S100PBP: variants seen among roughly 807,000 people sequenced by gnomAD.
S100PBP encodes the protein S100P binding protein.
A neutral mutation model predicts 39.9 loss-of-function variants in S100PBP; 15 were observed. That is an observed-to-expected ratio of 0.38 (90% confidence interval 0.25 to 0.58). S100PBP has a LOEUF of 0.58. S100PBP is among the 20% of genes least tolerant of loss of function. S100PBP has a pLI of 0.70. For synonymous variants in S100PBP, 178 were observed against 180.3 expected (o/e 0.99, Z 0.10); for missense variants, 504 against 487.3 (o/e 1.03, Z -0.32).
Position 32,856,332 on chromosome 1 carries a change from A to G in S100PBP, c.*294A>G, listed in dbSNP as rs534828445. 1 of 192,386 alleles carries G rather than the reference A, an allele frequency of 5.2e-6. No individual in the cohort carries two copies. The highest frequency in any genetic ancestry group is 1.1e-5 in the Non-Finnish European group (1 of 91,680). 11.9% of individuals were successfully genotyped at this position (192,386 alleles called of 1,614,324 possible). A position where few individuals can be genotyped will look rare whatever the true frequency, so the allele number is the denominator to read the frequency against. On this transcript the variant is annotated 3_prime_UTR_variant, in exon 7 of 7. Coordinates refer to ENST00000373475, the MANE Select transcript of S100PBP (RefSeq NM_022753.4). ...AGGTAGCTGCCTCCTGAAAGCCAGCATTAAGCCAGAACACCCAGGTTCAAG... is the reference window on the plus strand; with the variant it reads ...AGGTAGCTGCCTCCTGAAAGCCAGCGTTAAGCCAGAACACCCAGGTTCAAG...
intron 5 of S100PBP, among the ~76,000 whole-genome samples, chr1:32,842,229 A>G (rs1235370352): frequency 1.2e-5 from 1 of 81,940 alleles, no homozygotes; most frequent in Admixed American, 1.8e-4. Flanking sequence ...ATGTATATAT[A>G]TATATATACA....
intron 5 of S100PBP, chr1:32,835,001 G>A (rs1011047832): frequency 4.6e-5 from 7 of 152,308 alleles, no homozygotes; most frequent in Middle Eastern, 6.8e-3. Context: ...TTAGCTGGGC[G>A]TGGTGGTGGG....
intron 5 of S100PBP, among the ~76,000 whole-genome samples, chr1:32,851,082 A>G (rs1232463105): frequency 6.6e-6 from 1 of 152,172 alleles, no homozygotes; most frequent in South Asian, 2.1e-4. Flanking sequence ...AGCCCTGAAG[A>G]AGTGAAATAA....
intron 5 of S100PBP, among the ~76,000 whole-genome samples, chr1:32,840,451 G>T (rs1257857083): frequency 6.6e-6 from 1 of 152,066 alleles, no homozygotes; most frequent in East Asian, 1.9e-4. Context: ...CCCCTCCTGG[G>T]TTCAAGCAAT....
intron 1 of S100PBP, among the ~76,000 whole-genome samples, chr1:32,822,387 C>T (rs577751199): frequency 9.0e-4 from 137 of 152,144 alleles, no homozygotes; most frequent in African/African-American, 3.2e-3. Flanking sequence ...CCGAGGCGGG[C>T]GGATCACCTG....
upstream of S100PBP, chr1:32,816,843 T>G: frequency 2.1e-6 from 1 of 470,486 alleles, no homozygotes; most frequent in East Asian, 3.8e-5. Flanking sequence ...TTTTAACGTC[T>G]GATCCCCTTC....
Position 32,826,806 on chromosome 1 carries a change from C to G in S100PBP, c.707C>G (p.Ser236Cys). The part of the protein sequence containing the change: ...KNMPDSENPT[S>C]VFSRISDHSE... The stretch of plus-strand genomic sequence containing the variant: ...ATGCCTGACAGTGAGAACCCTACGT[C>G]TGTATTCTCTCGGATCTCAGACCAT... Residue 236 changes from serine to cysteine, a missense_variant, in exon 3 of 7, where the codon TCT becomes TGT. Physicochemically the swap from Ser to Cys is moderately radical, Grantham distance 112. Coordinates refer to ENST00000373475, the MANE Select transcript of S100PBP (RefSeq NM_022753.4). 1 of 1,614,022 alleles carries G rather than the reference C, an allele frequency of 6.2e-7. No homozygotes were observed. The highest frequency in any genetic ancestry group is 8.5e-7 in the Non-Finnish European group (1 of 1,179,878).
In S100PBP at chr1:32,826,664, A is replaced by G. The variant is rs1373199530; in HGVS notation, c.565A>G (p.Asn189Asp). The change falls in exon 3 of 7, where the codon AAT (asparagine) becomes GAT (aspartate). Residue 189 changes from asparagine to aspartate, a missense_variant. By Grantham distance (23) the Asn-to-Asp change is conservative. Transcript: ENST00000373475. ...EEMREDGLSP[N>D]ESKLCTESEG... ...GATGAGAGAAGATGGTCTTAGCCCAAATGAAAGCAAACTTTGTACTGAATC... is the reference window on the plus strand; with the variant it reads ...GATGAGAGAAGATGGTCTTAGCCCAGATGAAAGCAAACTTTGTACTGAATC... 1.9e-6 allele frequency: 3 copies of G among 1,614,076 alleles called. No individual in the cohort carries two copies. In the Admixed American group the frequency reaches 5.0e-5, roughly 27 times the overall value.
At chr1:32,855,712 G>A (rs900507021) in intron 6 of S100PBP, among the ~76,000 whole-genome samples, 4 of 151,978 alleles carry the variant, frequency 2.6e-5, no homozygotes, top group Admixed American at 2.6e-4. Flanking sequence ...AGGTGGCTTT[G>A]GGAGTTGGAA....
At chr1:32,829,689 C>T (rs1362529802) in intron 4 of S100PBP, among the ~76,000 whole-genome samples, 1 of 152,184 alleles carries the variant, frequency 6.6e-6, no homozygotes, top group Non-Finnish European at 1.5e-5. Flanking sequence ...AAATTCCTAG[C>T]CTCAAGCAGT....
intron 5 of S100PBP, among the ~76,000 whole-genome samples, chr1:32,843,816 C>G (rs1226909808): frequency 6.6e-6 from 1 of 151,896 alleles, no homozygotes; most frequent in African/African-American, 2.4e-5. Context: ...TCTCGATCTC[C>G]TGACCTCATG....
chr1:32,856,560 G>A lies in S100PBP; in HGVS notation c.*522G>A, dbSNP rs535496383. 1 of 152,852 alleles carries A rather than the reference G, an allele frequency of 6.5e-6. No homozygotes were observed. The highest frequency in any genetic ancestry group is 2.1e-4 in the South Asian group (1 of 4,840). The allele number at this position is 152,852 out of a possible 1,614,324, so 9.5% of individuals were successfully genotyped here. On this transcript the variant is annotated 3_prime_UTR_variant, in exon 7 of 7. Coordinates refer to ENST00000373475, the MANE Select transcript of S100PBP (RefSeq NM_022753.4). ...GAATACCTGTCAGTATTTTAAAGTT[G>A]GCAATCCAGGACATTATAAGTAGGA...
At chr1:32,851,346 C>T (rs1640598812) in intron 5 of S100PBP, among the ~76,000 whole-genome samples, 1 of 152,098 alleles carries the variant, frequency 6.6e-6, no homozygotes, top group Non-Finnish European at 1.5e-5. Context: ...TGAAAAGTCT[C>T]CACTGTCTAG....
chr1:32,817,106 T>G, upstream of S100PBP: 1 of 1,569,964 alleles, frequency 6.4e-7, no homozygotes, highest in Non-Finnish European at 8.8e-7. Flanking sequence ...CCCACATACT[T>G]AGAACCCCGT....
rs1261788134 is a variant in S100PBP, at chr1:32,856,005, G to T, written c.1194G>T (p.Arg398=). 1.2e-6 allele frequency: 2 copies of T among 1,613,464 alleles called. No homozygotes were observed. Among genetic ancestry groups the T allele is most frequent in the Non-Finnish European group, 1.7e-6 (2 of 1,179,562 alleles). ...ACAGGAACATGCGAAGCCACCATCGGTTCCAGCGTCTCCCAGACTTCTCGT... is the reference window on the plus strand; with the variant it reads ...ACAGGAACATGCGAAGCCACCATCGTTTCCAGCGTCTCCCAGACTTCTCGT... ...WVDRNMRSHH[R]FQRLPDFSYS The change falls in exon 7 of 7, where the codon CGG becomes CGT. Residue 398 remains arginine, a synonymous_variant. Transcript: ENST00000373475.
intron 5 of S100PBP, among the ~76,000 whole-genome samples, chr1:32,830,568 T>C (rs748630275): frequency 7.9e-5 from 12 of 152,206 alleles, no homozygotes; most frequent in Non-Finnish European, 1.3e-4. Context: ...CCCACTTCAT[T>C]AGAAGATATT....
chr1:32,817,341 A>G (rs1638780051), upstream of S100PBP: 3 of 1,521,870 alleles, frequency 2.0e-6, no homozygotes, highest in Non-Finnish European at 1.8e-6. Flanking sequence ...ACGCGAGTCC[A>G]GCCAGGTTGC....
chr1:32,818,133 G>A (rs1224878146), intron 1 of S100PBP: 1 of 152,678 alleles, frequency 6.5e-6, no homozygotes. Context: ...GTGGTCCCCG[G>A]GAGAGGAGCG....
chr1:32,823,702 T>C (rs1639187765), intron 1 of S100PBP, among the ~76,000 whole-genome samples: 1 of 152,220 alleles, frequency 6.6e-6, no homozygotes, highest in African/African-American at 2.4e-5. Context: ...TAGTACTTTA[T>C]TGTCCATACC....
Sources: gnomAD v4.1 joint callset for allele counts (sites outside exome capture counted in the v4.1 genomes callset) on GRCh38, gnomAD v4.1.1 for gene constraint, MANE v1.5 for transcripts, NCBI Gene and HGNC (gene_info 2026-07-23, HGNC 2026-07-21) for gene names.